The following ARID3A variants were observed in gnomAD, a reference collection of about 807,000 sequenced individuals.
ARID3A encodes AT-rich interactive domain-containing protein 3A.
Under a neutral mutation model 52.7 loss-of-function variants are expected in ARID3A, and 11 were observed. The observed-to-expected ratio is 0.21, with a 90% confidence interval of 0.13 to 0.35. The LOEUF (loss-of-function observed/expected upper bound fraction) is 0.35. Ranked by LOEUF, ARID3A falls within the 10% of genes least tolerant of loss-of-function variation. ARID3A has a pLI of 1.00. For synonymous variants in ARID3A, 404 were observed against 359.4 expected (o/e 1.12, Z -1.40); for missense variants, 721 against 838.5 (o/e 0.86, Z 1.73).
chr19:962,494 C>T (rs2038061899), intron 4 of ARID3A, among the ~76,000 whole-genome samples: 1 of 150,802 alleles, frequency 6.6e-6, no homozygotes, highest in Admixed American at 6.7e-5. Context: ...CCCTGGGAAC[C>T]AACCCTCTGC....
At position 975,838 on chromosome 19, in the gene ARID3A, C is replaced by CA. The variant is rs1224539283; in HGVS notation, c.*3774dup. The CA allele has an allele frequency of 5.3e-6, 1 of 189,190 alleles. No individual in the cohort carries two copies. The highest frequency in any genetic ancestry group is 6.2e-5 in the Admixed American group (1 of 16,192). 11.7% of individuals were successfully genotyped at this position (189,190 alleles called of 1,614,324 possible). A position where few individuals can be genotyped will look rare whatever the true frequency, so the allele number is the denominator to read the frequency against. ...TACATTTTATAGTAACATTATTATGCAGATTGTATTTAAACTTCAGAAATA... is the reference window on the plus strand; with the variant it reads ...TACATTTTATAGTAACATTATTATGCAAGATTGTATTTAAACTTCAGAAATA... On this transcript the variant is annotated 3_prime_UTR_variant, in exon 9 of 9. Coordinates refer to ENST00000263620, the MANE Select transcript of ARID3A (RefSeq NM_005224.3).
chr19:956,434 C>A, intron 3 of ARID3A: 1 of 152,666 alleles, frequency 6.6e-6, no homozygotes, highest in South Asian at 2.0e-4. Context: ...TGGACGGGGT[C>A]TCGGAGGAAG....
rs1013552802 is a variant in ARID3A, at chr19:960,568, C to T, written c.766+404C>T. ...CGGGCTGGCCAGGTGGGTGCAGGTG[C>T]GGCAGGACAGAAGCCCCCCGCCCGG... On this transcript the variant is annotated intron_variant, in intron 4 of 8. Coordinates refer to ENST00000263620, the MANE Select transcript of ARID3A (RefSeq NM_005224.3). This position sits in a 1 kb window ranked among gnomAD's most constrained non-coding sequence, Gnocchi z 4.3. 1.1e-4 allele frequency among the ~76,000 whole-genome samples: 16 copies of T among 152,104 alleles called. No individual in the cohort carries two copies. In the East Asian group the frequency reaches 2.1e-3, roughly 20 times the overall value.
At chr19:937,646 G>A (rs2037463185) in intron 3 of ARID3A, among the ~76,000 whole-genome samples, 1 of 150,506 alleles carries the variant, frequency 6.6e-6, no homozygotes, top group South Asian at 2.1e-4. Flanking sequence ...CTTCCCACCA[G>A]CCACAGATGT....
Position 929,371 on chromosome 19 carries a change from C to CG in ARID3A, c.-158_-157insG. 1 of 366,204 alleles carries CG rather than the reference C, an allele frequency of 2.7e-6. No homozygotes were observed. The highest frequency in any genetic ancestry group is 8.2e-5 in the East Asian group (1 of 12,126). The allele number at this position is 366,204 out of a possible 1,614,324, so 22.7% of individuals were successfully genotyped here. A position where few individuals can be genotyped will look rare whatever the true frequency, so the allele number is the denominator to read the frequency against. On this transcript the variant is annotated 5_prime_UTR_variant, in exon 2 of 9. Coordinates refer to ENST00000263620, the MANE Select transcript of ARID3A (RefSeq NM_005224.3). The surrounding 1 kb of genome is among the most constrained non-coding windows in gnomAD (Gnocchi z 6.2). The stretch of plus-strand genomic sequence containing the variant: ...TCAGCTTGAGCCCGGCGGCCCCCGC[C>CG]CCCGCCCCCTGCCACCCTGCACTGC...
At chr19:943,344 G>A (rs181206001) in intron 3 of ARID3A, among the ~76,000 whole-genome samples, 24 of 151,990 alleles carry the variant, frequency 1.6e-4, no homozygotes, top group East Asian at 3.9e-4. Context: ...CGAGGAGGGC[G>A]GATCACCTGT....
chr19:968,545 C>T, intron 8 of ARID3A, 42 bp downstream of exon 8: 1 of 1,587,538 alleles, frequency 6.3e-7, no homozygotes, highest in Non-Finnish European at 8.6e-7. Context: ...CCTCGCCTCT[C>T]CCGCCGCCGT....
Position 929,760 on chromosome 19 carries a change from C to T in ARID3A, c.232C>T (p.Pro78Ser). The change falls in exon 2 of 9, where the codon CCC becomes TCC. Residue 78 changes from proline (P) to serine (S), a missense_variant. Physicochemically the swap from Pro to Ser is moderately conservative, Grantham distance 74. Around this residue, in one of 5 missense-constraint regions of ARID3A, gnomAD observed 349 missense variants for 297.3 expected, o/e 1.17. Transcript: ENST00000263620. This position sits in a 1 kb window ranked among gnomAD's most constrained non-coding sequence, Gnocchi z 6.2. ...TGCGGGCCTGGGACACCCAGCCAGC[C>T]CCGGCGGCTCTGAGGATGGGCCCCC... is the stretch of plus-strand genomic sequence containing the variant. ...AAAGLGHPAS[P>S]GGSEDGPPGS... is the part of the protein sequence containing the mutation. The T allele has an allele frequency of 5.2e-6, 8 of 1,552,682 alleles. No homozygotes were observed. The highest frequency in any genetic ancestry group is 6.1e-6 in the Non-Finnish European group (7 of 1,155,094).
intron 1 of ARID3A, among the ~76,000 whole-genome samples, chr19:927,822 G>T (rs1265268469): frequency 6.6e-6 from 1 of 152,088 alleles, no homozygotes; most frequent in Non-Finnish European, 1.5e-5. Flanking sequence ...TGGGACCTCT[G>T]TCCCCACAAC....
chr19:928,891 G>C (rs570329727), intron 1 of ARID3A: 1 of 152,292 alleles, frequency 6.6e-6, no homozygotes, highest in Middle Eastern at 3.4e-3. Context: ...AGGCTGGGCC[G>C]CTCCAACAGG....
chr19:932,627 G>A lies in ARID3A; in HGVS notation c.578G>A (p.Gly193Glu). ...FRGDGVPRVLGGQERPGPGPA... is the reference protein window; with the variant it reads ...FRGDGVPRVLEGQERPGPGPA... ...GGCGATGGCGTTCCCAGGGTGCTGGGGGGCCAGGAGCGGCCGGGGCCTGGC... is the reference window on the plus strand; with the variant it reads ...GGCGATGGCGTTCCCAGGGTGCTGGAGGGCCAGGAGCGGCCGGGGCCTGGC... The change falls in exon 3 of 9, where the codon GGG becomes GAG. Residue 193 changes from glycine (G) to glutamate (E), a missense_variant. By Grantham distance (98) the Gly-to-Glu change is moderately conservative. Transcript: ENST00000263620. The A allele has an allele frequency of 6.5e-7, 1 of 1,533,936 alleles. No homozygotes were observed. The highest frequency in any genetic ancestry group is 8.8e-7 in the Non-Finnish European group (1 of 1,141,648).
chr19:955,364 G>A lies in ARID3A; in HGVS notation c.694-4728G>A, dbSNP rs535112906. Among the ~76,000 whole-genome samples, 42 of 152,294 alleles carry A rather than the reference G, an allele frequency of 2.8e-4. No individual in the cohort carries two copies. In the Middle Eastern group the frequency reaches 0.014, roughly 49 times the overall value. ...GCCCACAGCAACGGCCATTAGAGCC[G>A]CCTCCCCCGCCAGCAGCTGGGGCCC... On this transcript the variant is annotated intron_variant, in intron 3 of 8. Coordinates refer to ENST00000263620, the MANE Select transcript of ARID3A (RefSeq NM_005224.3).
At chr19:933,015 C>T (rs350147) in intron 3 of ARID3A, among the ~76,000 whole-genome samples, 117,134 of 151,988 alleles carry the variant, frequency 0.77, 45,387 homozygotes, top group East Asian at 0.86. Flanking sequence ...GGTGATGGGG[C>T]AGAGATGGAA....
chr19:966,486 G>GA, intron 6 of ARID3A, 86 bp from the exon 7 acceptor site: 2 of 966,484 alleles, frequency 2.1e-6, no homozygotes, highest in Non-Finnish European at 2.9e-6. Flanking sequence ...GAAAAGAAAA[G>GA]AAAAAAGAAG....
At chr19:951,847 T>C (rs879442837) in intron 3 of ARID3A, among the ~76,000 whole-genome samples, 1 of 152,062 alleles carries the variant, frequency 6.6e-6, no homozygotes, top group Non-Finnish European at 1.5e-5. Context: ...TTTTAGAACA[T>C]TTCTCAGGCT....
rs368765463 is a variant in ARID3A at position 936,888 on chromosome 19, CT to C, written c.693+4147del. ...CCCTGACCCTTTAACTATTATCCCCCTATTCTACCAGCACGCCCCAGCCCCT... is the reference window on the plus strand; with the variant it reads ...CCCTGACCCTTTAACTATTATCCCCCATTCTACCAGCACGCCCCAGCCCCT... On this transcript the variant is annotated intron_variant, in intron 3 of 8. Coordinates refer to ENST00000263620, the MANE Select transcript of ARID3A (RefSeq NM_005224.3). Among the ~76,000 whole-genome samples the C allele has an allele frequency of 6.1e-3, 930 of 152,026 alleles. 13 individuals are homozygous for C. The highest frequency in any genetic ancestry group is 0.021 in the African/African-American group (888 of 41,448).
intron 8 of ARID3A, among the ~76,000 whole-genome samples, chr19:968,999 C>T (rs2038221695): frequency 6.6e-6 from 1 of 151,996 alleles, no homozygotes; most frequent in Non-Finnish European, 1.5e-5. Flanking sequence ...TGTATAAGCC[C>T]AGGGGTTAGA....
chr19:928,452 A>C (rs1452402875), intron 1 of ARID3A: 1 of 151,942 alleles, frequency 6.6e-6, no homozygotes, highest in Non-Finnish European at 1.5e-5. Flanking sequence ...CCCACTCGGG[A>C]TCCCAGAGGA....
In ARID3A at chr19:971,959, G is replaced by A; in HGVS notation, c.1676G>A (p.Ser559Asn). 4 of 1,601,392 alleles carry A rather than the reference G, an allele frequency of 2.5e-6. No homozygotes were observed. Among genetic ancestry groups the A allele is most frequent in the Non-Finnish European group, 3.4e-6 (4 of 1,174,416 alleles). ...GGCGGCGGCGGCGGCGGCAGCAGCA[G>A]CAACGCAGGCGGCCGGGGAGGAAAC... ...KGGGGGGGSS[S>N]NAGGRGGNTG... Residue 559 changes from serine to asparagine, a missense_variant, in exon 9 of 9, where the codon AGC (serine) becomes AAC (asparagine). Coordinates refer to ENST00000263620, the MANE Select transcript of ARID3A (RefSeq NM_005224.3).
Sources: gnomAD v4.1 joint callset for allele counts (sites outside exome capture counted in the v4.1 genomes callset) on GRCh38, gnomAD v4.1.1 for gene constraint, gnomAD v4.1.1 regional missense constraint, Gnocchi (gnomAD v3.1) non-coding constraint, MANE v1.5 for transcripts, NCBI Gene and HGNC (gene_info 2026-07-23, HGNC 2026-07-21) for gene names.